Variants in CNTN5 observed in about 807,000 individuals in gnomAD.
The protein encoded by CNTN5 is contactin-5.
In CNTN5, 77 loss-of-function variants were observed where a neutral mutation model predicts 129.1. The observed-to-expected ratio is 0.60, with a 90% CI of 0.50 to 0.72. The LOEUF (loss-of-function observed/expected upper bound fraction) is 0.72, where lower values mean the gene tolerates loss of function less well. Ranked by LOEUF, CNTN5 falls within the 30% of genes least tolerant of loss-of-function variation. CNTN5 has a pLI of 0.00. For missense variants in CNTN5, 1,478 were observed against 1,328.8 expected, an observed-to-expected ratio of 1.11 and a Z score of -1.75; for synonymous variants, 509 against 465.6, an observed-to-expected ratio of 1.09 and a Z score of -1.20.
chr11:99,968,234 A>G (rs1158186882), intron 8 of CNTN5, among the ~76,000 whole-genome samples: 3 of 152,190 alleles, frequency 2.0e-5, no homozygotes, highest in Non-Finnish European at 4.4e-5. Flanking sequence ...GTGAGTGGAA[A>G]TAGATTGAGA....
intron 7 of CNTN5, among the ~76,000 whole-genome samples, chr11:99,917,034 C>A (rs1949808421): frequency 6.6e-6 from 1 of 152,002 alleles, no homozygotes; most frequent in Admixed American, 6.6e-5. Context: ...TTTGGCTCTA[C>A]TGTACATATT....
At chr11:99,446,764 C>G (rs1591072430) in intron 2 of CNTN5, among the ~76,000 whole-genome samples, 1 of 152,140 alleles carries the variant, frequency 6.6e-6, no homozygotes, top group African/African-American at 2.4e-5. Context: ...GCTATGTACT[C>G]TCTTAGCTGA....
chr11:99,859,612 C>G (rs909042576), intron 6 of CNTN5, among the ~76,000 whole-genome samples: 6 of 152,164 alleles, frequency 3.9e-5, no homozygotes, highest in African/African-American at 1.4e-4. Context: ...ATTTGATTTT[C>G]TGTTCCTGCA....
intron 3 of CNTN5, among the ~76,000 whole-genome samples, chr11:99,573,373 A>G (rs1949238194): frequency 6.6e-6 from 1 of 151,982 alleles, no homozygotes; most frequent in Non-Finnish European, 1.5e-5. Flanking sequence ...GATCGAGACC[A>G]TCCTGGCTAA....
chr11:99,222,994 T>C (rs1329572752), intron 1 of CNTN5, among the ~76,000 whole-genome samples: 1 of 152,150 alleles, frequency 6.6e-6, no homozygotes, highest in African/African-American at 2.4e-5. Context: ...GCCCTCTAAA[T>C]CTCTGCTGCA....
intron 1 of CNTN5, among the ~76,000 whole-genome samples, chr11:99,303,522 G>T (rs1864736823): frequency 6.7e-6 from 1 of 149,880 alleles, no homozygotes; most frequent in Non-Finnish European, 1.5e-5. Context: ...GATAGGAAAT[G>T]GCACACGAGA....
intron 1 of CNTN5, among the ~76,000 whole-genome samples, chr11:99,151,849 A>T (rs1037897667): frequency 2.0e-5 from 3 of 152,022 alleles, no homozygotes; most frequent in Non-Finnish European, 4.4e-5. Context: ...TGGGAGGGGG[A>T]CATCACACAC....
At chr11:100,349,487 C>T (rs1952357225) in intron 23 of CNTN5, among the ~76,000 whole-genome samples, 1 of 151,724 alleles carries the variant, frequency 6.6e-6, no homozygotes, top group Non-Finnish European at 1.5e-5. Flanking sequence ...CATTTTACTC[C>T]CCTAAAACAC....
intron 2 of CNTN5, among the ~76,000 whole-genome samples, chr11:99,551,693 A>T (rs550603254): frequency 3.0e-4 from 46 of 152,264 alleles, no homozygotes; most frequent in African/African-American, 1.1e-3. Context: ...AATATAGTCT[A>T]TTGCTTCTAG....
intron 16 of CNTN5, among the ~76,000 whole-genome samples, chr11:100,244,704 C>A (rs548250919): frequency 1.3e-4 from 20 of 152,222 alleles, no homozygotes; most frequent in African/African-American, 4.8e-4. Context: ...AATAGGATAT[C>A]TGTAATATGT....
intron 2 of CNTN5, among the ~76,000 whole-genome samples, chr11:99,484,218 G>A (rs190503709): frequency 6.6e-6 from 1 of 152,004 alleles, no homozygotes; most frequent in East Asian, 1.9e-4. Context: ...TAAAAAGTAT[G>A]AGTTATCTGA....
chr11:100,333,322 T>C (rs1951948088), intron 21 of CNTN5, among the ~76,000 whole-genome samples: 1 of 149,462 alleles, frequency 6.7e-6, no homozygotes, highest in Non-Finnish European at 1.5e-5. Flanking sequence ...AGAATCAATA[T>C]TGTCAAAATG....
chr11:99,376,058 C>A (rs1016776889), intron 2 of CNTN5, among the ~76,000 whole-genome samples: 2 of 151,884 alleles, frequency 1.3e-5, no homozygotes, highest in East Asian at 1.9e-4. Flanking sequence ...AAAAAACTTG[C>A]GGATGATGCA....
intron 21 of CNTN5, among the ~76,000 whole-genome samples, chr11:100,323,788 C>T (rs981082021): frequency 9.9e-5 from 15 of 151,792 alleles, no homozygotes; most frequent in African/African-American, 3.6e-4. Context: ...CTTCTTTCTA[C>T]TTTATTTAGG....
At chr11:99,061,225 AT>A (rs1864862480) in intron 1 of CNTN5, among the ~76,000 whole-genome samples, 1 of 152,086 alleles carries the variant, frequency 6.6e-6, no homozygotes, top group Non-Finnish European at 1.5e-5. Flanking sequence ...GCATATCTAC[AT>A]TTTGTCTCTT....
At chr11:99,178,523 A>G (rs554850832) in intron 1 of CNTN5, among the ~76,000 whole-genome samples, 47 of 152,270 alleles carry the variant, frequency 3.1e-4, no homozygotes, top group African/African-American at 1.1e-3. Flanking sequence ...CTTGTCTTAA[A>G]AAAAAGAGAA....
intron 1 of CNTN5, among the ~76,000 whole-genome samples, chr11:99,254,034 T>G (rs1023908758): frequency 2.4e-4 from 37 of 151,476 alleles, no homozygotes; most frequent in African/African-American, 8.5e-4. Context: ...CAAAATAATA[T>G]TTATAATTTG....
intron 6 of CNTN5, among the ~76,000 whole-genome samples, chr11:99,914,852 C>T (rs1447863281): frequency 2.6e-5 from 4 of 151,920 alleles, no homozygotes; most frequent in Non-Finnish European, 5.9e-5. Flanking sequence ...TAAATTCTTA[C>T]CCATCTCAAA....
At chr11:99,334,360 C>T (rs1052264063) in intron 2 of CNTN5, among the ~76,000 whole-genome samples, 5 of 152,016 alleles carry the variant, frequency 3.3e-5, no homozygotes, top group African/African-American at 9.7e-5. Flanking sequence ...TGCAAAGAAA[C>T]TTTGAAATAG....
Sources: allele counts gnomAD v4.1 joint callset (sites outside exome capture counted in the v4.1 genomes callset), GRCh38; gene constraint gnomAD v4.1.1; transcripts MANE v1.5; gene names NCBI Gene and HGNC (gene_info 2026-07-23, HGNC 2026-07-21).